Variants in TEX29 observed in about 807,000 individuals in gnomAD.
TEX29 encodes testis-expressed protein 29.
TEX29 carries 26 observed loss-of-function variants against 18.2 expected under a neutral mutation model. The ratio of observed to expected loss-of-function variants is 1.43; its 90% confidence interval spans 1.04 to 1.98. The LOEUF (loss-of-function observed/expected upper bound fraction) is 1.98. Ranked by LOEUF, TEX29 falls within the 30% of genes most tolerant of loss-of-function variation. The pLI is 0.00. For missense variants in TEX29, 177 were observed against 194.2 expected (o/e 0.91, Z 0.53); for synonymous variants, 83 against 78.5 (o/e 1.06, Z -0.31).
At chr13:111,338,890 G>T (rs755962307) in intron 3 of TEX29, among the ~76,000 whole-genome samples, 3 of 152,230 alleles carry the variant, frequency 2.0e-5, no homozygotes, top group Non-Finnish European at 1.5e-5. Flanking sequence ...TGATGCTCGT[G>T]TACAAATGTT....
At chr13:111,323,213 C>T (rs1196024317) in intron 2 of TEX29, among the ~76,000 whole-genome samples, 9 of 152,222 alleles carry the variant, frequency 5.9e-5, no homozygotes, top group African/African-American at 2.2e-4. Context: ...AGCTGGGCCT[C>T]CAGACAGCCC....
chr13:111,328,459 T>G (rs923827117), intron 3 of TEX29, among the ~76,000 whole-genome samples, 166 bp downstream of exon 3: 17 of 152,126 alleles, frequency 1.1e-4, no homozygotes, highest in African/African-American at 3.6e-4. Flanking sequence ...GACAGTAGAC[T>G]TGGAGTGGGG....
rs1367195606 is a variant in TEX29, at chr13:111,342,875, G to A, written c.359G>A (p.Ser120Asn). ...AGCAAGTTAGGGCTGAAGCCTGCGA[G>A]TCCTGGGCCTCCAAGTGCTGGGCCC... Reference protein sequence around the residue: ...SSSKLGLKPASPGPPSAGPSM... With the variant: ...SSSKLGLKPANPGPPSAGPSM... Residue 120 changes from serine (S) to asparagine (N), a missense_variant, in exon 5 of 6, where the codon AGT becomes AAT. By Grantham distance (46) the Ser-to-Asn change is conservative. Transcript: ENST00000283547. 2 of 1,614,094 alleles carry A rather than the reference G, an allele frequency of 1.2e-6. No individual in the cohort carries two copies. Among genetic ancestry groups the A allele is most frequent in the Non-Finnish European group, 1.7e-6 (2 of 1,180,060 alleles).
At chr13:111,317,856 C>T (rs546751873), upstream of TEX29, among the ~76,000 whole-genome samples, 15 of 152,262 alleles carry the variant, frequency 9.9e-5, no homozygotes, top group South Asian at 2.1e-4. Flanking sequence ...GCTGCACAGC[C>T]GTCCGTCCCC....
At chr13:111,320,997 G>T (rs748585504) in intron 2 of TEX29, 49 bp downstream of exon 2, 126 of 1,072,782 alleles carry the variant, frequency 1.2e-4, no homozygotes, top group African/African-American at 9.5e-5. Context: ...GGAGCAGTTG[G>T]GGGGGGGCAC....
intron 3 of TEX29, 130 bp from the exon 4 acceptor site, chr13:111,339,733 G>C (rs779878462): frequency 1.3e-6 from 1 of 783,986 alleles, no homozygotes; most frequent in Non-Finnish European, 2.2e-6. Flanking sequence ...GAGGGTGGGT[G>C]AGGAGTGCTG....
chr13:111,324,865 T>G (rs1003695755), intron 2 of TEX29, among the ~76,000 whole-genome samples: 27 of 152,100 alleles, frequency 1.8e-4, no homozygotes, highest in Admixed American at 7.9e-4. Flanking sequence ...TCCATGGCCT[T>G]GGAGAAAAAT....
chr13:111,323,812 C>G (rs2093668595), intron 2 of TEX29, among the ~76,000 whole-genome samples: 1 of 152,238 alleles, frequency 6.6e-6, no homozygotes, highest in African/African-American at 2.4e-5. Flanking sequence ...AGCCTCTGCA[C>G]ACACCATGCC....
rs564401000 is a variant in TEX29 at position 111,326,381 on chromosome 13, G to A, written c.59-1802G>A. Among the ~76,000 whole-genome samples the A allele has an allele frequency of 1.4e-3, 210 of 149,340 alleles. 1 individual carries two copies. The highest frequency in any genetic ancestry group is 3.6e-3 in the Middle Eastern group (1 of 274). On this transcript the variant is annotated intron_variant, in intron 2 of 5. Coordinates refer to ENST00000283547, the MANE Select transcript of TEX29 (RefSeq NM_152324.3). ...GGTGTCTGGTGGGGTGGAGGAGACC[G>A]CGGGCAGCGTGAGGCTGTCTGGTGG...
chr13:111,326,914 T>TAGTCACCCACTGTAGAC (rs2093674992), intron 2 of TEX29, among the ~76,000 whole-genome samples: 2 of 152,154 alleles, frequency 1.3e-5, no homozygotes, highest in South Asian at 4.1e-4. Context: ...AAAGCCCTCC[T>TAGTCACCCACTGTAGAC]AGTCACCCAC....
chr13:111,326,409 T>G (rs2093673436), intron 2 of TEX29, among the ~76,000 whole-genome samples: 1 of 132,902 alleles, frequency 7.5e-6, no homozygotes, highest in Non-Finnish European at 1.6e-5. Flanking sequence ...TCTGGTGGGG[T>G]GGAGGAGACG....
intron 3 of TEX29, among the ~76,000 whole-genome samples, chr13:111,337,813 T>C (rs935915667): frequency 2.0e-5 from 3 of 152,164 alleles, no homozygotes; most frequent in African/African-American, 7.2e-5. Flanking sequence ...CACATTCCTG[T>C]TATCTGACAG....
intron 5 of TEX29, among the ~76,000 whole-genome samples, chr13:111,343,350 GTGCA>G (rs879446722): frequency 0.034 from 5,207 of 152,160 alleles, 123 homozygotes; most frequent in Middle Eastern, 0.061. Flanking sequence ...GGTCTTGGTT[GTGCA>G]GGGAGGCTGC....
rs745742809 is a variant in TEX29, at chr13:111,339,939, C to G, written c.239+7C>G. Reference sequence around the variant, plus strand: ...TCATCACCATCATCTACAGGTCGGTCCCTTTGTTCTTTACTGGGAGGGTGG... The same window carrying G: ...TCATCACCATCATCTACAGGTCGGTGCCTTTGTTCTTTACTGGGAGGGTGG... On this transcript the variant is annotated splice_region_variant and intron_variant, in intron 4 of 5. Transcript: ENST00000283547. 1 of 1,482,542 alleles carries G rather than the reference C, an allele frequency of 6.7e-7. No individual in the cohort carries two copies. Among genetic ancestry groups the G allele is most frequent in the Non-Finnish European group, 9.3e-7 (1 of 1,069,996 alleles). 91.8% of individuals were successfully genotyped at this position (1,482,542 alleles called of 1,614,324 possible).
At chr13:111,326,151 G>A (rs1373665008) in intron 2 of TEX29, among the ~76,000 whole-genome samples, 8 of 152,336 alleles carry the variant, frequency 5.3e-5, no homozygotes, top group African/African-American at 1.4e-4. Flanking sequence ...GTGGAAGAGC[G>A]TTCGGGCATC....
At chr13:111,326,608 GCGAGCCTGTCTGGTGGGGT>G (rs2093674113) in intron 2 of TEX29, among the ~76,000 whole-genome samples, 1 of 144,320 alleles carries the variant, frequency 6.9e-6, no homozygotes, top group African/African-American at 2.6e-5. Context: ...TGCGGGCAGT[GCGAGCCTGTCTGGTGGGGT>G]GGAGGAGACC....
intron 3 of TEX29, among the ~76,000 whole-genome samples, chr13:111,329,231 G>T (rs1302725230): frequency 6.6e-6 from 1 of 152,046 alleles, no homozygotes; most frequent in East Asian, 1.9e-4. Context: ...GCACGCCCTC[G>T]GGAGGGAACA....
intron 1 of TEX29, 46 bp downstream of exon 1, chr13:111,320,808 A>G: frequency 6.3e-7 from 1 of 1,585,776 alleles, no homozygotes; most frequent in Non-Finnish European, 8.7e-7. Flanking sequence ...CCCGCTCCCC[A>G]AACGACGTCC....
At position 111,339,910 on chromosome 13, in the gene TEX29, T is replaced by C. The variant is rs765791431; in HGVS notation, c.217T>C (p.Phe73Leu). The C allele has an allele frequency of 1.9e-5, 30 of 1,608,844 alleles. No homozygotes were observed. The Admixed American group carries it at 2.0e-4, about 11-fold the overall frequency. ...CTTGATTGTGATCATCGCTGGGGCCTTCGTCATCACCATCATCTACAGGTC... is the reference window on the plus strand; with the variant it reads ...CTTGATTGTGATCATCGCTGGGGCCCTCGTCATCACCATCATCTACAGGTC... ...SALIVIIAGA[F>L]VITIIYRVIQ... is the part of the protein sequence containing the mutation. The change falls in exon 4 of 6, where the codon TTC becomes CTC. Residue 73 changes from phenylalanine (F) to leucine (L), a missense_variant. By Grantham distance (22) the Phe-to-Leu change is conservative. Coordinates refer to ENST00000283547, the MANE Select transcript of TEX29 (RefSeq NM_152324.3).
Sources: allele counts gnomAD v4.1 joint callset (sites outside exome capture counted in the v4.1 genomes callset), GRCh38; gene constraint gnomAD v4.1.1; transcripts MANE v1.5; gene names NCBI Gene and HGNC (gene_info 2026-07-23, HGNC 2026-07-21).